Variants in BMPR1B observed in about 807,000 individuals in gnomAD.
BMPR1B encodes the protein bone morphogenetic protein receptor type-1B.
Under a neutral mutation model 59.1 loss-of-function variants are expected in BMPR1B, and 12 were observed. The observed-to-expected ratio is 0.20, with a 90% CI of 0.13 to 0.33. The LOEUF is 0.33. BMPR1B is among the 10% of genes least tolerant of loss of function. The pLI is 1.00. For missense variants in BMPR1B, 550 were observed against 610.9 expected (o/e 0.90, Z 1.05); for synonymous variants, 237 against 207.3 (o/e 1.14, Z -1.23).
rs1724038997 is a variant in BMPR1B at position 94,817,067 on chromosome 4, G to A, written c.-182-58764G>A. ...TTGTTCTGATATTCTGCCACGTGCG[G>A]GACACATCGTTCCTCCCCTCCAGAG... On this transcript the variant is annotated intron_variant, in intron 1 of 12. Coordinates refer to ENST00000515059, the MANE Select transcript of BMPR1B (RefSeq NM_001203.3). 3.3e-5 allele frequency among the ~76,000 whole-genome samples: 5 copies of A among 152,000 alleles called. No homozygotes were observed. The South Asian group carries it at 8.3e-4, about 25-fold the overall frequency.
intron 1 of BMPR1B, among the ~76,000 whole-genome samples, chr4:94,831,585 A>G (rs1450398571): frequency 6.6e-6 from 1 of 152,126 alleles, no homozygotes; most frequent in Non-Finnish European, 1.5e-5. Context: ...ACCATTTTTT[A>G]TGGTACAGTT....
At chr4:94,830,431 T>A (rs946675269) in intron 1 of BMPR1B, among the ~76,000 whole-genome samples, 2 of 152,186 alleles carry the variant, frequency 1.3e-5, no homozygotes, top group African/African-American at 4.8e-5. Flanking sequence ...TTTCAATATT[T>A]AAAATATTTT....
chr4:94,955,104 G>C (rs1430086097), intron 2 of BMPR1B, among the ~76,000 whole-genome samples: 2 of 152,126 alleles, frequency 1.3e-5, no homozygotes, highest in Non-Finnish European at 2.9e-5. Context: ...TAGTTAAACT[G>C]GAAGGCACCT....
intron 3 of BMPR1B, among the ~76,000 whole-genome samples, chr4:95,024,852 C>T (rs574171266): frequency 1.3e-5 from 2 of 152,278 alleles, no homozygotes; most frequent in East Asian, 3.9e-4. Flanking sequence ...CCTGTAATCC[C>T]AGCACTTTGG....
chr4:94,973,429 G>T (rs891136839), intron 2 of BMPR1B, among the ~76,000 whole-genome samples: 4 of 152,196 alleles, frequency 2.6e-5, no homozygotes, highest in African/African-American at 9.7e-5. Flanking sequence ...GCTGAAAAGG[G>T]CACAGGGCGG....
intron 1 of BMPR1B, among the ~76,000 whole-genome samples, chr4:94,786,388 A>G (rs1722764539): frequency 6.8e-6 from 1 of 146,204 alleles, no homozygotes; most frequent in Non-Finnish European, 1.5e-5. Flanking sequence ...TTTTTTTTGA[A>G]GAGAGTCTCA....
At chr4:95,042,664 G>T in intron 3 of BMPR1B, among the ~76,000 whole-genome samples, 1 of 152,122 alleles carries the variant, frequency 6.6e-6, no homozygotes, top group East Asian at 1.9e-4. Flanking sequence ...AACAGTAAAA[G>T]ATGGCCAAAT....
At chr4:95,101,961 T>C (rs1329463216) in intron 3 of BMPR1B, among the ~76,000 whole-genome samples, 1 of 152,122 alleles carries the variant, frequency 6.6e-6, no homozygotes, top group East Asian at 1.9e-4. Flanking sequence ...TATAGTGGGA[T>C]TTAATAACTA....
At chr4:95,009,054 C>G (rs1723044399) in intron 3 of BMPR1B, among the ~76,000 whole-genome samples, 1 of 151,900 alleles carries the variant, frequency 6.6e-6, no homozygotes, top group African/African-American at 2.4e-5. Flanking sequence ...GACTCTCTGT[C>G]TCTCTTAGAA....
chr4:94,767,986 A>G (rs915096007), intron 1 of BMPR1B, among the ~76,000 whole-genome samples: 15 of 152,090 alleles, frequency 9.9e-5, no homozygotes, highest in Non-Finnish European at 1.8e-4. Flanking sequence ...GCCATATATA[A>G]ATGAACTTCT....
chr4:94,929,939 A>G (rs1429378271), intron 2 of BMPR1B, among the ~76,000 whole-genome samples: 1 of 152,060 alleles, frequency 6.6e-6, no homozygotes, highest in African/African-American at 2.4e-5. Context: ...CCTTGTGGCC[A>G]AAAGCAGAAA....
chr4:94,782,326 T>C (rs1289945396), intron 1 of BMPR1B, among the ~76,000 whole-genome samples: 1 of 51,410 alleles, frequency 1.9e-5, no homozygotes, highest in Non-Finnish European at 3.5e-5. Context: ...TTTTTAATGT[T>C]AATTTTTTTT....
rs547790148 is a variant in BMPR1B at position 95,019,736 on chromosome 4, A to G, written c.-18+23602A>G. ...ATTTATAAGGACTCCAGTGTAAACA[A>G]ACAGGAGCTATGATAGGAAATAGCA... On this transcript the variant is annotated intron_variant, in intron 3 of 12. Transcript: ENST00000515059. 6.5e-4 allele frequency among the ~76,000 whole-genome samples: 99 copies of G among 152,304 alleles called. 3 individuals carry two copies. The highest frequency in any genetic ancestry group is 2.3e-3 in the African/African-American group (95 of 41,574).
intron 2 of BMPR1B, among the ~76,000 whole-genome samples, chr4:94,941,580 T>C (rs191729215): frequency 6.6e-6 from 1 of 152,242 alleles, no homozygotes; most frequent in East Asian, 1.9e-4. Flanking sequence ...TAAAAAGAGA[T>C]TAAAATTATG....
At chr4:94,791,214 C>G (rs1298067241) in intron 1 of BMPR1B, among the ~76,000 whole-genome samples, 1 of 152,084 alleles carries the variant, frequency 6.6e-6, no homozygotes, top group Non-Finnish European at 1.5e-5. Flanking sequence ...GTCTCGAACT[C>G]CTGATCTCAA....
intron 1 of BMPR1B, among the ~76,000 whole-genome samples, chr4:94,822,788 C>T (rs1169394916): frequency 6.6e-6 from 1 of 152,040 alleles, no homozygotes; most frequent in African/African-American, 2.4e-5. Context: ...TCTGTTTGCC[C>T]CTACTTAGTC....
At chr4:95,036,234 CTT>C (rs796937423) in intron 3 of BMPR1B, among the ~76,000 whole-genome samples, 2 of 152,174 alleles carry the variant, frequency 1.3e-5, no homozygotes, top group African/African-American at 4.8e-5. Flanking sequence ...TAGTTTTACT[CTT>C]TTCATTATTT....
At chr4:94,808,651 G>A (rs1723698607) in intron 1 of BMPR1B, among the ~76,000 whole-genome samples, 1 of 152,196 alleles carries the variant, frequency 6.6e-6, no homozygotes, top group South Asian at 2.1e-4. Flanking sequence ...ACTAGAATCT[G>A]AAAGGATTAT....
chr4:94,783,331 A>G (rs915712983), intron 1 of BMPR1B, among the ~76,000 whole-genome samples: 3 of 152,242 alleles, frequency 2.0e-5, no homozygotes, highest in South Asian at 4.1e-4. Context: ...CTAGTTCTCT[A>G]TGGTAAACTA....
Sources: gnomAD v4.1 joint callset for allele counts (sites outside exome capture counted in the v4.1 genomes callset) on GRCh38, gnomAD v4.1.1 for gene constraint, MANE v1.5 for transcripts, NCBI Gene and HGNC (gene_info 2026-07-23, HGNC 2026-07-21) for gene names.